ADGRL2: variants seen among roughly 807,000 people sequenced by gnomAD.
The protein encoded by ADGRL2 is adhesion G protein-coupled receptor L2, also known as calcium-independent alpha-latrotoxin receptor 2.
A neutral mutation model predicts 157.4 loss-of-function variants in ADGRL2; 44 were observed. That is an observed-to-expected ratio of 0.28 (90% confidence interval 0.22 to 0.36). The LOEUF is 0.36. Among genes scored for constraint, ADGRL2 ranks in the 10% least tolerant of loss-of-function variants. The probability of loss-of-function intolerance (pLI) is 1.00; values close to 1 mark genes in which losing one functional copy is unlikely to be tolerated. For missense variants in ADGRL2, 1,510 were observed against 1,768.9 expected, an observed-to-expected ratio of 0.85 and a Z score of 2.63; for synonymous variants, 585 against 624.7, an observed-to-expected ratio of 0.94 and a Z score of 0.95.
At chr1:81,583,369 G>A (rs1266370962) in intron 3 of ADGRL2, among the ~76,000 whole-genome samples, 1 of 151,768 alleles carries the variant, frequency 6.6e-6, no homozygotes, top group African/African-American at 2.4e-5. Flanking sequence ...TTGCCTTTAG[G>A]GAACTGATGT....
chr1:81,452,466 G>C (rs1220857941), intron 2 of ADGRL2, among the ~76,000 whole-genome samples: 1 of 152,028 alleles, frequency 6.6e-6, no homozygotes, highest in East Asian at 1.9e-4. Flanking sequence ...CCAGCCCATG[G>C]CTTGTCATCA....
intron 2 of ADGRL2, among the ~76,000 whole-genome samples, chr1:81,551,321 G>A (rs113986163): frequency 9.9e-5 from 15 of 152,188 alleles, no homozygotes; most frequent in African/African-American, 3.4e-4. Context: ...ACAGGCCAAG[G>A]ACTCTTTCAG....
chr1:81,361,214 G>T (rs1475507812), intron 1 of ADGRL2, among the ~76,000 whole-genome samples: 1 of 151,842 alleles, frequency 6.6e-6, no homozygotes, highest in Non-Finnish European at 1.5e-5. Context: ...CCTCTGAGTG[G>T]CGATCCATTG....
intron 1 of ADGRL2, among the ~76,000 whole-genome samples, chr1:81,312,891 A>G (rs544793483): frequency 6.6e-6 from 1 of 152,324 alleles, no homozygotes; most frequent in South Asian, 2.1e-4. Context: ...AGAAAACATA[A>G]TGAAACAGAA....
intron 1 of ADGRL2, among the ~76,000 whole-genome samples, chr1:81,437,941 C>G (rs563961170): frequency 7.2e-5 from 11 of 151,966 alleles, no homozygotes; most frequent in African/African-American, 2.7e-4. Context: ...GAGTCAGCCA[C>G]AAATGCCTAC....
Position 81,455,447 on chromosome 1 carries a change from A to T in ADGRL2, c.-248+10358A>T, listed in dbSNP as rs12028502. On this transcript the variant is annotated intron_variant, in intron 2 of 24. Transcript: ENST00000370721. Reference sequence around the variant, plus strand: ...TCCCTAAAAAAATGTCAACCGTGAAAATTTTCCTTCTCATAAGAATAAAAC... The same window carrying T: ...TCCCTAAAAAAATGTCAACCGTGAATATTTTCCTTCTCATAAGAATAAAAC... 8.5e-3 allele frequency among the ~76,000 whole-genome samples: 1,291 copies of T among 152,248 alleles called. 24 individuals carry two copies. Among genetic ancestry groups the T allele is most frequent in the East Asian group, 0.041 (211 of 5,166 alleles).
chr1:81,491,103 C>G (rs941010910), intron 2 of ADGRL2, among the ~76,000 whole-genome samples: 4 of 152,078 alleles, frequency 2.6e-5, no homozygotes, highest in African/African-American at 9.7e-5. Context: ...AAATCCCACC[C>G]CCTTGAGAAT....
At chr1:81,779,229 T>G (rs2086716272) in intron 2 of ADGRL2, among the ~76,000 whole-genome samples, 1 of 151,936 alleles carries the variant, frequency 6.6e-6, no homozygotes, top group African/African-American at 2.4e-5. Context: ...GTATGTAAAA[T>G]AATGGCAATC....
chr1:81,738,838 C>CT (rs2084983208), intron 1 of ADGRL2, among the ~76,000 whole-genome samples: 2 of 152,180 alleles, frequency 1.3e-5, no homozygotes, highest in Admixed American at 1.3e-4. Context: ...AGGCCCTTGG[C>CT]CTGGTGACCT....
intron 5 of ADGRL2, 70 bp downstream of exon 5, chr1:81,942,115 C>A (rs1648235131): frequency 3.1e-6 from 2 of 651,616 alleles, no homozygotes; most frequent in Middle Eastern, 2.6e-4. Flanking sequence ...CCTCCCTCCC[C>A]TCTCCCCACA....
intron 2 of ADGRL2, among the ~76,000 whole-genome samples, chr1:81,494,219 C>T (rs751259444): frequency 6.6e-6 from 1 of 152,126 alleles, no homozygotes; most frequent in African/African-American, 2.4e-5. Context: ...AAGTGTAAGG[C>T]TTGCTTCAAT....
intron 4 of ADGRL2, among the ~76,000 whole-genome samples, chr1:81,941,016 T>A (rs1436128746): frequency 6.6e-6 from 1 of 150,722 alleles, no homozygotes; most frequent in Non-Finnish European, 1.5e-5. Flanking sequence ...GTCTGTGGAG[T>A]CAAGGTATTT....
intron 1 of ADGRL2, among the ~76,000 whole-genome samples, chr1:81,735,533 T>C (rs919549837): frequency 6.6e-6 from 1 of 152,162 alleles, no homozygotes; most frequent in African/African-American, 2.4e-5. Context: ...CTCATGCCTG[T>C]AATCCCAGCA....
chr1:81,539,205 T>G (rs189666285), intron 2 of ADGRL2, among the ~76,000 whole-genome samples: 1 of 152,274 alleles, frequency 6.6e-6, no homozygotes, highest in Admixed American at 6.5e-5. Context: ...TATTTTTGTG[T>G]CAGACTGTGT....
At chr1:81,951,861 C>A in intron 8 of ADGRL2, 96 bp from the exon 9 acceptor site, 2 of 955,022 alleles carry the variant, frequency 2.1e-6, no homozygotes, top group Non-Finnish European at 3.0e-6. Flanking sequence ...TTAACATTCG[C>A]AAATTTTTTT....
intron 1 of ADGRL2, among the ~76,000 whole-genome samples, chr1:81,405,410 G>C (rs563758453): frequency 6.6e-6 from 1 of 152,074 alleles, no homozygotes; most frequent in African/African-American, 2.4e-5. Flanking sequence ...GCTCGTGCCT[G>C]TAATCCCAAT....
chr1:81,647,473 G>A (rs1002701371), intron 3 of ADGRL2, among the ~76,000 whole-genome samples: 2 of 152,078 alleles, frequency 1.3e-5, no homozygotes, highest in Non-Finnish European at 2.9e-5. Flanking sequence ...CGGTCAAAAC[G>A]TAGTGGCACA....
At chr1:81,816,645 A>T (rs1175916240) in intron 1 of ADGRL2, among the ~76,000 whole-genome samples, 1 of 151,892 alleles carries the variant, frequency 6.6e-6, no homozygotes, top group Non-Finnish European at 1.5e-5. Flanking sequence ...GAGTGTTTTC[A>T]TGTGACTTAA....
chr1:81,780,857 T>TC (rs113345752), intron 2 of ADGRL2, among the ~76,000 whole-genome samples: 1 of 152,016 alleles, frequency 6.6e-6, no homozygotes, highest in African/African-American at 2.4e-5. Context: ...GCAGGCTATG[T>TC]CCCCCCACAG....
Sources: allele counts gnomAD v4.1 joint callset (sites outside exome capture counted in the v4.1 genomes callset), GRCh38; gene constraint gnomAD v4.1.1; transcripts MANE v1.5; gene names NCBI Gene and HGNC (gene_info 2026-07-23, HGNC 2026-07-21).